Variants in GABRA3 observed in about 807,000 individuals in gnomAD.
The protein encoded by GABRA3 is gamma-aminobutyric acid type A receptor subunit alpha3, also known as gamma-aminobutyric acid receptor subunit alpha-3.
A neutral mutation model predicts 30.1 loss-of-function variants in GABRA3; 10 were observed. The observed-to-expected ratio is 0.33, with a 90% CI of 0.20 to 0.56. The LOEUF (loss-of-function observed/expected upper bound fraction) is 0.56. Ranked by LOEUF, GABRA3 falls within the 20% of genes least tolerant of loss-of-function variation. GABRA3 has a pLI of 0.89. For missense variants in GABRA3, 233 were observed against 392.0 expected, an observed-to-expected ratio of 0.59 and a Z score of 3.42; for synonymous variants, 151 against 146.8, an observed-to-expected ratio of 1.03 and a Z score of -0.21.
At chrX:152,218,287 T>A (rs1296775868) in intron 6 of GABRA3, among the ~76,000 whole-genome samples, 1 of 110,987 alleles carries the variant, frequency 9.0e-6, no homozygotes, top group Admixed American at 9.6e-5. Flanking sequence ...GCGAACTTCC[T>A]TTTCTTACTG....
At chrX:152,393,951 TA>T (rs1329554145) in intron 1 of GABRA3, among the ~76,000 whole-genome samples, 4 of 111,487 alleles carry the variant, frequency 3.6e-5, no homozygotes, top group Non-Finnish European at 7.5e-5. Flanking sequence ...CATTTGACCA[TA>T]ATGCACACTT....
intron 5 of GABRA3, among the ~76,000 whole-genome samples, chrX:152,230,245 A>G (rs1349895337): frequency 8.9e-6 from 1 of 111,785 alleles, no homozygotes; most frequent in Non-Finnish European, 1.9e-5. Flanking sequence ...CATGTGAATC[A>G]TATTTCAATA....
intron 5 of GABRA3, among the ~76,000 whole-genome samples, chrX:152,234,507 T>C (rs1330231912): frequency 9.0e-6 from 1 of 111,581 alleles, no homozygotes; most frequent in Non-Finnish European, 1.9e-5. Context: ...TTGTTCTCAT[T>C]GCACTTCCTT....
At chrX:152,269,738 G>A (rs1209064084) in intron 4 of GABRA3, among the ~76,000 whole-genome samples, 1 of 112,101 alleles carries the variant, frequency 8.9e-6, no homozygotes, top group African/African-American at 3.2e-5. Flanking sequence ...ACATACAACA[G>A]GGGAAGGAAA....
chrX:152,198,023 A>T (rs1937411645), intron 7 of GABRA3, among the ~76,000 whole-genome samples: 1 of 112,191 alleles, frequency 8.9e-6, no homozygotes, highest in Non-Finnish European at 1.9e-5. Flanking sequence ...GACACAATTC[A>T]TTCAAGTAAA....
chrX:152,287,443 T>C (rs1483228549), intron 3 of GABRA3, among the ~76,000 whole-genome samples: 3 of 111,034 alleles, frequency 2.7e-5, no homozygotes, highest in African/African-American at 9.8e-5. Context: ...TGAGATTTGA[T>C]GGTTTTATAA....
intron 2 of GABRA3, among the ~76,000 whole-genome samples, chrX:152,355,700 T>G (rs1327304165): frequency 8.9e-6 from 1 of 112,033 alleles, no homozygotes; most frequent in African/African-American, 3.2e-5. Flanking sequence ...ACCTGGCATT[T>G]GCTGCTTAGG....
intron 3 of GABRA3, among the ~76,000 whole-genome samples, chrX:152,318,014 A>T (rs1430498029): frequency 9.0e-6 from 1 of 111,665 alleles, no homozygotes; most frequent in East Asian, 2.8e-4. Flanking sequence ...AAAAAGATAA[A>T]TGAAACAAAA....
intron 3 of GABRA3, among the ~76,000 whole-genome samples, chrX:152,302,428 G>A (rs1272373762): frequency 9.0e-6 from 1 of 111,588 alleles, no homozygotes; most frequent in Non-Finnish European, 1.9e-5. Flanking sequence ...AAATGCTTGG[G>A]GTCAGAAGTG....
intron 1 of GABRA3, among the ~76,000 whole-genome samples, chrX:152,388,078 C>T (rs538725588): frequency 9.0e-6 from 1 of 111,466 alleles, no homozygotes. Context: ...AAACAATGGT[C>T]GTTGATACAT....
intron 9 of GABRA3, chrX:152,171,406 G>T: frequency 3.0e-6 from 2 of 673,741 alleles, no homozygotes; most frequent in Non-Finnish European, 3.5e-6. Flanking sequence ...ATTTTAATCA[G>T]CCACTACAAT....
chrX:152,346,443 G>A (rs1290262210), intron 2 of GABRA3, among the ~76,000 whole-genome samples: 4 of 111,573 alleles, frequency 3.6e-5, no homozygotes, highest in East Asian at 2.8e-4. Context: ...AAAATTTCTT[G>A]AGCAATACCC....
chrX:152,338,350 C>T (rs1318927787), intron 3 of GABRA3, among the ~76,000 whole-genome samples: 1 of 112,124 alleles, frequency 8.9e-6, no homozygotes, highest in Non-Finnish European at 1.9e-5. Context: ...AATGTCTGTT[C>T]AGATCTTTTG....
intron 3 of GABRA3, among the ~76,000 whole-genome samples, chrX:152,319,905 G>A (rs1420391653): frequency 9.0e-6 from 1 of 110,655 alleles, no homozygotes; most frequent in Admixed American, 9.7e-5. Context: ...GCATCAAAAA[G>A]TAGGCTAAGG....
At chrX:152,332,606 A>G (rs898435163) in intron 3 of GABRA3, among the ~76,000 whole-genome samples, 1 of 111,928 alleles carries the variant, frequency 8.9e-6, no homozygotes, top group African/African-American at 3.2e-5. Context: ...TACAGATGAG[A>G]AAACAGACTT....
chrX:152,266,726 T>C (rs920908868), intron 4 of GABRA3, among the ~76,000 whole-genome samples: 1 of 110,833 alleles, frequency 9.0e-6, no homozygotes, highest in African/African-American at 3.3e-5. Context: ...CCTCTTACCA[T>C]GAGTTATTTT....
chrX:152,382,245 G>C (rs1021113788), intron 1 of GABRA3, among the ~76,000 whole-genome samples: 1 of 112,209 alleles, frequency 8.9e-6, no homozygotes, highest in African/African-American at 3.2e-5. Context: ...TCTCACACCA[G>C]TCAGAATGGC....
At chrX:152,385,908 T>C (rs1929291637) in intron 1 of GABRA3, among the ~76,000 whole-genome samples, 1 of 110,923 alleles carries the variant, frequency 9.0e-6, no homozygotes, top group Non-Finnish European at 1.9e-5. Flanking sequence ...GTTGTAGATA[T>C]GCGGCGTTCT....
At chrX:152,285,108 C>T (rs912868312) in intron 3 of GABRA3, among the ~76,000 whole-genome samples, 2 of 111,869 alleles carry the variant, frequency 1.8e-5, no homozygotes, top group Non-Finnish European at 3.8e-5. Context: ...TGTTCTTCCA[C>T]TCCCCTGCCT....
Sources: gnomAD v4.1 joint callset for allele counts (sites outside exome capture counted in the v4.1 genomes callset) on GRCh38, gnomAD v4.1.1 for gene constraint, MANE v1.5 for transcripts, NCBI Gene and HGNC (gene_info 2026-07-23, HGNC 2026-07-21) for gene names.